The following FUBP3 variants were observed in gnomAD, a reference collection of about 807,000 sequenced individuals.
FUBP3 encodes the protein far upstream element-binding protein 3.
In FUBP3, 28 loss-of-function variants were observed where a neutral mutation model predicts 85.6. The observed-to-expected ratio is 0.33, with a 90% CI of 0.24 to 0.45. The LOEUF (loss-of-function observed/expected upper bound fraction) is 0.45, where lower values mean the gene tolerates loss of function less well. FUBP3 is among the 20% of genes least tolerant of loss of function. FUBP3 has a pLI of 1.00. For missense variants in FUBP3, 583 were observed against 755.1 expected (o/e 0.77, Z 2.67); for synonymous variants, 271 against 271.4 (o/e 1.00, Z 0.01).
intron 2 of FUBP3, among the ~76,000 whole-genome samples, chr9:130,603,065 G>A (rs1831234312): frequency 6.6e-6 from 1 of 152,124 alleles, no homozygotes; most frequent in African/African-American, 2.4e-5. Flanking sequence ...AGTGAAGGGA[G>A]GCTGGGCATG....
chr9:130,581,569 A>G (rs557740414), intron 1 of FUBP3: 4 of 152,228 alleles, frequency 2.6e-5, no homozygotes, highest in Non-Finnish European at 4.4e-5. Flanking sequence ...CAAGAACGGA[A>G]TGTTAGAAAT....
intron 13 of FUBP3, chr9:130,631,080 C>T: frequency 9.5e-7 from 1 of 1,052,768 alleles, no homozygotes; most frequent in Non-Finnish European, 1.2e-6. Context: ...GCGGCAGCCT[C>T]CCCCCACGCT....
intron 1 of FUBP3, among the ~76,000 whole-genome samples, chr9:130,587,699 A>G (rs1034950932): frequency 4.6e-5 from 7 of 152,138 alleles, no homozygotes; most frequent in Admixed American, 1.3e-4. Context: ...ATAGTTTGGG[A>G]TGTAATTTTG....
At chr9:130,589,675 GTA>G (rs1170568300) in intron 1 of FUBP3, among the ~76,000 whole-genome samples, 875 of 34,190 alleles carry the variant, frequency 0.026, 13 homozygotes, top group South Asian at 0.073. Context: ...GTATGTGTGT[GTA>G]TATATATATA....
chr9:130,637,052 C>G lies in FUBP3; in HGVS notation c.*30C>G. The G allele has an allele frequency of 6.3e-7, 1 of 1,593,730 alleles. No homozygotes were observed. Among genetic ancestry groups the G allele is most frequent in the Non-Finnish European group, 8.6e-7 (1 of 1,161,538 alleles). On this transcript the variant is annotated 3_prime_UTR_variant, in exon 19 of 19. Transcript: ENST00000319725. ...GCGTCCTCGTGGCCAACTCTCCCCT[C>G]AAAATCATTGTCAAAGAAAACCTAT... is the stretch of plus-strand genomic sequence containing the variant.
chr9:130,600,488 G>A (rs561434221), intron 2 of FUBP3, among the ~76,000 whole-genome samples: 2 of 152,082 alleles, frequency 1.3e-5, no homozygotes, highest in Non-Finnish European at 2.9e-5. Context: ...TAAATTAGAG[G>A]TTGGCAAGCT....
chr9:130,602,852 C>T (rs1831223046), intron 2 of FUBP3, among the ~76,000 whole-genome samples: 1 of 152,092 alleles, frequency 6.6e-6, no homozygotes, highest in Admixed American at 6.5e-5. Flanking sequence ...CCTGTCTGCC[C>T]TCTTCCCTAA....
In FUBP3 at chr9:130,632,842, C is replaced by T. The variant is rs538469409; in HGVS notation, c.1510+564C>T. 8.5e-5 allele frequency among the ~76,000 whole-genome samples: 13 copies of T among 152,408 alleles called. No individual in the cohort carries two copies. The South Asian group carries it at 1.4e-3, about 17-fold the overall frequency. Reference sequence around the variant, plus strand: ...CCGCCACCCTCTCTGTCCCCACAGACGCTTCAGGAACCACTGTTGGGTTTC... The same window carrying T: ...CCGCCACCCTCTCTGTCCCCACAGATGCTTCAGGAACCACTGTTGGGTTTC... On this transcript the variant is annotated intron_variant, in intron 16 of 18. Transcript: ENST00000319725.
At position 130,634,890 on chromosome 9, in the gene FUBP3, GC is replaced by G. The variant is rs765662141; in HGVS notation, c.1582+154del. On this transcript the variant is annotated intron_variant, in intron 17 of 18. Coordinates refer to ENST00000319725, the MANE Select transcript of FUBP3 (RefSeq NM_003934.2). ...TGCCTTCGTCCTCCACCCTGTACCTGCCTGCTTCTTTCTGTCAGGAGTCTGG... is the reference window on the plus strand; with the variant it reads ...TGCCTTCGTCCTCCACCCTGTACCTGCTGCTTCTTTCTGTCAGGAGTCTGG... 771 of 642,040 alleles carry G rather than the reference GC, an allele frequency of 1.2e-3. 1 individual carries two copies. The highest frequency in any genetic ancestry group is 1.6e-3 in the Non-Finnish European group (602 of 365,552). The allele number at this position is 642,040 out of a possible 1,614,324, so 39.8% of individuals were successfully genotyped here. A position where few individuals can be genotyped will look rare whatever the true frequency, so the allele number is the denominator to read the frequency against.
intron 1 of FUBP3, among the ~76,000 whole-genome samples, chr9:130,589,703 ATATTTTTTTTT>A (rs1397965505): frequency 1.4e-4 from 4 of 28,592 alleles, no homozygotes; most frequent in South Asian, 1.0e-3. Flanking sequence ...ATATATATAT[ATATTTTTTTTT>A]TTTTTTTTTT....
At chr9:130,634,995 A>G (rs1168644082) in intron 17 of FUBP3, among the ~76,000 whole-genome samples, 1 of 152,106 alleles carries the variant, frequency 6.6e-6, no homozygotes, top group African/African-American at 2.4e-5. Flanking sequence ...GCTGGGCTCC[A>G]AAGGACTTGA....
rs1830469844 is a variant in FUBP3 at position 130,637,905 on chromosome 9, A to G, written c.*883A>G. The G allele has an allele frequency of 6.6e-6, 1 of 152,584 alleles. No individual in the cohort carries two copies. Among genetic ancestry groups the G allele is most frequent in the South Asian group, 2.1e-4 (1 of 4,836 alleles). 9.5% of individuals were successfully genotyped at this position (152,584 alleles called of 1,614,324 possible). On this transcript the variant is annotated 3_prime_UTR_variant, in exon 19 of 19. Coordinates refer to ENST00000319725, the MANE Select transcript of FUBP3 (RefSeq NM_003934.2). ...GTAGTTATAACTATTTTTAATTCCA[A>G]GGTGTTGTTTGCTTTTTTCTTTTAA...
chr9:130,602,589 G>A (rs1464573742), intron 2 of FUBP3, among the ~76,000 whole-genome samples: 1 of 152,168 alleles, frequency 6.6e-6, no homozygotes, highest in Non-Finnish European at 1.5e-5. Flanking sequence ...AAAGAGGGAA[G>A]TGAATCTCAG....
rs776890540 is a variant in FUBP3 at position 130,613,043 on chromosome 9, A to G, written c.346+16A>G. 8.5e-6 allele frequency: 13 copies of G among 1,523,576 alleles called. No homozygotes were observed. The Admixed American group carries it at 1.5e-4, about 18-fold the overall frequency. 94.4% of individuals were successfully genotyped at this position (1,523,576 alleles called of 1,614,324 possible). A position where few individuals can be genotyped will look rare whatever the true frequency, so the allele number is the denominator to read the frequency against. ...ATTGCTTCAGGTAAGGGCTTTTTAA[A>G]AATAGATATCAATTTTGTAGAAATC... is the stretch of plus-strand genomic sequence containing the variant. On this transcript the variant is annotated intron_variant, in intron 5 of 18. Transcript: ENST00000319725.
At chr9:130,594,906 G>A (rs1346269655) in intron 1 of FUBP3, among the ~76,000 whole-genome samples, 2 of 140,204 alleles carry the variant, frequency 1.4e-5, no homozygotes, top group African/African-American at 5.3e-5. Context: ...GATGGGATGT[G>A]CCTATATATT....
At chr9:130,634,078 T>C (rs1564229753) in intron 16 of FUBP3, among the ~76,000 whole-genome samples, 1 of 152,158 alleles carries the variant, frequency 6.6e-6, no homozygotes, top group East Asian at 1.9e-4. Context: ...ATGCTGGCTG[T>C]TTCTCCGCGT....
intron 10 of FUBP3, 29 bp downstream of exon 10, chr9:130,622,839 T>G: frequency 1.8e-6 from 2 of 1,105,120 alleles, no homozygotes; most frequent in Non-Finnish European, 2.6e-6. Context: ...AAATCCTTAG[T>G]GTTAAAAAAA....
At chr9:130,585,552 G>A (rs1830306360) in intron 1 of FUBP3, among the ~76,000 whole-genome samples, 1 of 152,192 alleles carries the variant, frequency 6.6e-6, no homozygotes, top group Admixed American at 6.5e-5. Flanking sequence ...GAGATCATGG[G>A]CAGTTAAGTT....
chr9:130,612,136 C>G lies in FUBP3; in HGVS notation c.225-320C>G, dbSNP rs1365808466. On this transcript the variant is annotated intron_variant, in intron 3 of 18. Transcript: ENST00000319725. This position sits in a 1 kb window ranked among gnomAD's most constrained non-coding sequence, Gnocchi z 4.1. ...GGCCCATTGGTTAGAGAGCACCTAACCAGGCAGAATGAGGCAACACTGAGA... is the reference window on the plus strand; with the variant it reads ...GGCCCATTGGTTAGAGAGCACCTAAGCAGGCAGAATGAGGCAACACTGAGA... Among the ~76,000 whole-genome samples the G allele has an allele frequency of 1.3e-4, 20 of 152,126 alleles. 1 individual carries two copies. Among genetic ancestry groups the G allele is most frequent in the Admixed American group, 1.2e-3 (19 of 15,280 alleles).
Sources: gnomAD v4.1 joint callset for allele counts (sites outside exome capture counted in the v4.1 genomes callset) on GRCh38, gnomAD v4.1.1 for gene constraint, Gnocchi (gnomAD v3.1) non-coding constraint, MANE v1.5 for transcripts, NCBI Gene and HGNC (gene_info 2026-07-23, HGNC 2026-07-21) for gene names.